Variants in TNS1 observed in about 807,000 individuals in gnomAD.
TNS1 encodes tensin-1.
TNS1 carries 62 observed loss-of-function variants against 168.6 expected under a neutral mutation model. The ratio of observed to expected loss-of-function variants is 0.37; its 90% CI spans 0.30 to 0.45. The LOEUF is 0.45. Ranked by LOEUF, TNS1 falls within the 20% of genes least tolerant of loss-of-function variation. The pLI is 1.00. For synonymous variants in TNS1, 934 were observed against 933.2 expected (o/e 1.00, Z -0.02); for missense variants, 2,240 against 2,339.4 (o/e 0.96, Z 0.88).
intron 18 of TNS1, among the ~76,000 whole-genome samples, chr2:217,876,457 T>G (rs1366473776): frequency 6.6e-6 from 1 of 151,942 alleles, no homozygotes; most frequent in Non-Finnish European, 1.5e-5. Flanking sequence ...GAGGCAGAGG[T>G]GCCCGCAAGG....
At chr2:217,904,314 G>C (rs1446278273) in intron 6 of TNS1, among the ~76,000 whole-genome samples, 2 of 152,216 alleles carry the variant, frequency 1.3e-5, no homozygotes, top group African/African-American at 4.8e-5. Flanking sequence ...CCGTGGGCCA[G>C]AGACAGCAAC....
At chr2:217,830,736 G>A (rs1305662531) in intron 22 of TNS1, among the ~76,000 whole-genome samples, 1 of 152,248 alleles carries the variant, frequency 6.6e-6, no homozygotes, top group African/African-American at 2.4e-5. Flanking sequence ...AGAGTAAGAT[G>A]CAGCCAGCAT....
At chr2:218,015,655 C>A (rs567842387) in intron 1 of TNS1, among the ~76,000 whole-genome samples, 2 of 152,194 alleles carry the variant, frequency 1.3e-5, no homozygotes, top group Non-Finnish European at 2.9e-5. Flanking sequence ...CCCCCACCCC[C>A]CTTTATTCTC....
chr2:217,929,540 A>G (rs1956205356), intron 3 of TNS1, among the ~76,000 whole-genome samples: 1 of 152,122 alleles, frequency 6.6e-6, no homozygotes, highest in African/African-American at 2.4e-5. Context: ...AAGCACCAGC[A>G]GGGGTCAGAG....
In TNS1 at chr2:217,836,134, C is replaced by T. The variant is rs780372233; in HGVS notation, c.3085G>A (p.Glu1029Lys). 2 of 1,614,080 alleles carry T rather than the reference C, an allele frequency of 1.2e-6. No homozygotes were observed. The highest frequency in any genetic ancestry group is 2.2e-5 in the South Asian group (2 of 91,076). ...GATGTGGCTTCTGGAGACTGGTTCT[C>T]ATACTGTCCATCACTGGCCGCCCGC... ...RRRAASDGQY[E>K]NQSPEATSPR... Residue 1029 changes from glutamate (E) to lysine (K), a missense_variant, in exon 20 of 33, where the codon GAG (glutamate) becomes AAG (lysine). Glu to Lys is a moderately conservative substitution (Grantham distance 56). Around this residue, in one of 2 missense-constraint regions of TNS1, gnomAD observed 2,131 missense variants for 2,171.2 expected, o/e 0.98. Transcript: ENST00000682258.
intron 3 of TNS1, among the ~76,000 whole-genome samples, chr2:217,962,384 A>G (rs1449667936): frequency 1.3e-5 from 2 of 152,218 alleles, no homozygotes; most frequent in East Asian, 1.9e-4. Flanking sequence ...CGGAGGTTGC[A>G]GTGAGCCGAG....
chr2:218,019,163 A>G (rs540919358), intron 1 of TNS1, among the ~76,000 whole-genome samples: 6 of 152,180 alleles, frequency 3.9e-5, no homozygotes, highest in Non-Finnish European at 8.8e-5. Context: ...CCCGAGGGAC[A>G]AGGAGGGTCC....
At chr2:217,935,962 A>G (rs576200722) in intron 3 of TNS1, among the ~76,000 whole-genome samples, 1 of 152,270 alleles carries the variant, frequency 6.6e-6, no homozygotes, top group South Asian at 2.1e-4. Flanking sequence ...GCCTCATGAG[A>G]GGTCATTGCT....
intron 1 of TNS1, among the ~76,000 whole-genome samples, chr2:218,023,530 A>G (rs1958827661): frequency 6.6e-6 from 1 of 152,198 alleles, no homozygotes; most frequent in South Asian, 2.1e-4. Context: ...TGGCCAAGTC[A>G]GCAAGTGAAG....
At chr2:218,002,721 C>A (rs1958588760) in intron 1 of TNS1, 119 bp downstream of exon 1, 1 of 450,384 alleles carries the variant, frequency 2.2e-6, no homozygotes, top group African/African-American at 2.0e-5. Flanking sequence ...AAAGGCCCCT[C>A]CTTCAAGACT....
intron 3 of TNS1, among the ~76,000 whole-genome samples, chr2:217,935,738 C>G (rs928782302): frequency 1.3e-5 from 2 of 152,168 alleles, no homozygotes; most frequent in Non-Finnish European, 2.9e-5. Context: ...ATAACCATAA[C>G]AAAAACAGCA....
intron 3 of TNS1, 87 bp from the exon 4 acceptor site, chr2:217,920,323 CT>C (rs1955588502): frequency 1.4e-6 from 1 of 698,708 alleles, no homozygotes; most frequent in Non-Finnish European, 2.6e-6. Context: ...ACACCTCCCC[CT>C]GCTTCATTCC....
chr2:218,006,402 C>T (rs999519742), upstream of TNS1, among the ~76,000 whole-genome samples: 1 of 152,254 alleles, frequency 6.6e-6, no homozygotes, highest in Non-Finnish European at 1.5e-5. Flanking sequence ...AGGCCCCAGC[C>T]CCATCCAATT....
intron 1 of TNS1, among the ~76,000 whole-genome samples, chr2:218,029,686 T>C (rs1378134547): frequency 6.6e-6 from 1 of 152,172 alleles, no homozygotes; most frequent in Non-Finnish European, 1.5e-5. Flanking sequence ...GTGCCATTCA[T>C]TTATTAGACA....
intron 1 of TNS1, among the ~76,000 whole-genome samples, chr2:217,991,426 A>G (rs1358996798): frequency 6.6e-6 from 1 of 152,164 alleles, no homozygotes; most frequent in Non-Finnish European, 1.5e-5. Context: ...TACACCCCAC[A>G]GAGCCACATC....
chr2:217,951,299 C>T (rs888436209), intron 3 of TNS1, among the ~76,000 whole-genome samples: 8 of 152,182 alleles, frequency 5.3e-5, no homozygotes, highest in African/African-American at 1.9e-4. Flanking sequence ...TCAAAGAAGC[C>T]GTCACCACCC....
intron 3 of TNS1, among the ~76,000 whole-genome samples, chr2:217,926,911 A>G (rs1956056322): frequency 6.6e-6 from 1 of 152,238 alleles, no homozygotes; most frequent in Non-Finnish European, 1.5e-5. Flanking sequence ...CGCTGCCTCT[A>G]CAGTGGGACA....
intron 28 of TNS1, among the ~76,000 whole-genome samples, chr2:217,811,045 AT>A (rs994923705): frequency 6.6e-6 from 1 of 152,054 alleles, no homozygotes; most frequent in African/African-American, 2.4e-5. Flanking sequence ...TGCCTGGATA[AT>A]TTTTTTACTG....
chr2:217,945,010 TC>T (rs780340986), intron 3 of TNS1, among the ~76,000 whole-genome samples: 107 of 152,348 alleles, frequency 7.0e-4, no homozygotes, highest in Non-Finnish European at 7.6e-4. Context: ...AGTCTTCTAA[TC>T]ACCCGGTTAT....
Sources: gnomAD v4.1 joint callset for allele counts (sites outside exome capture counted in the v4.1 genomes callset) on GRCh38, gnomAD v4.1.1 for gene constraint, gnomAD v4.1.1 regional missense constraint, MANE v1.5 for transcripts, NCBI Gene and HGNC (gene_info 2026-07-23, HGNC 2026-07-21) for gene names.